Variants in GNB4 observed in about 807,000 individuals in gnomAD.
The protein encoded by GNB4 is guanine nucleotide-binding protein subunit beta-4.
Under a neutral mutation model 45.2 loss-of-function variants are expected in GNB4, and 28 were observed. That is an observed-to-expected ratio of 0.62 (90% CI 0.46 to 0.85). GNB4 has a LOEUF of 0.85. Ranked by LOEUF, GNB4 falls within the 40% of genes least tolerant of loss-of-function variation. The probability of loss-of-function intolerance (pLI) is 0.00; values close to 1 mark genes in which losing one functional copy is unlikely to be tolerated. For missense variants in GNB4, 321 were observed against 425.4 expected, an observed-to-expected ratio of 0.75 and a Z score of 2.16; for synonymous variants, 132 against 143.7, an observed-to-expected ratio of 0.92 and a Z score of 0.58.
chr3:179,423,917 G>T (rs1490680183), intron 2 of GNB4, among the ~76,000 whole-genome samples: 1 of 152,094 alleles, frequency 6.6e-6, no homozygotes, highest in Non-Finnish European at 1.5e-5. Flanking sequence ...TTGATAAAAG[G>T]TAACAGATGA....
chr3:179,474,338 C>T, the GNB4 span, among the ~76,000 whole-genome samples: 1 of 152,060 alleles, frequency 6.6e-6, no homozygotes, highest in Non-Finnish European at 1.5e-5. Flanking sequence ...ATTCTCCTAC[C>T]TCAGCCTCCT....
the GNB4 span, among the ~76,000 whole-genome samples, chr3:179,471,665 T>C: frequency 2.0e-5 from 3 of 152,206 alleles, no homozygotes; most frequent in African/African-American, 7.2e-5. Context: ...AATGTATCCC[T>C]ATCGTTAAGC....
chr3:179,499,302 C>G, the GNB4 span, among the ~76,000 whole-genome samples: 6,345 of 152,032 alleles, frequency 0.042, 207 homozygotes, highest in East Asian at 0.077. Flanking sequence ...GGACTACAGG[C>G]GCCTGCCACC....
the GNB4 span, among the ~76,000 whole-genome samples, chr3:179,517,281 C>T: frequency 6.6e-6 from 1 of 152,136 alleles, no homozygotes; most frequent in African/African-American, 2.4e-5. Context: ...CCTTGTGACC[C>T]CCACCCCTGC....
chr3:179,401,129 A>G lies in GNB4; in HGVS notation c.*84T>C. The G allele has an allele frequency of 2.6e-6, 2 of 777,008 alleles. No homozygotes were observed. The highest frequency in any genetic ancestry group is 3.4e-5 in the South Asian group (1 of 29,330). The allele number at this position is 777,008 out of a possible 1,614,324, so 48.1% of individuals were successfully genotyped here. A position where few individuals can be genotyped will look rare whatever the true frequency, so the allele number is the denominator to read the frequency against. On this transcript the variant is annotated 3_prime_UTR_variant, in exon 10 of 10. Transcript: ENST00000232564. ...AATAGAAAAATCTTCACCTGCAAAT[A>G]TAAGGTAGAATTTTTTCACAGCTAT...
intron 1 of GNB4, among the ~76,000 whole-genome samples, chr3:179,432,622 T>C (rs1175682576): frequency 6.6e-6 from 1 of 152,246 alleles, no homozygotes; most frequent in South Asian, 2.1e-4. Context: ...CCAAACTGTA[T>C]TGACATGTGT....
rs780046027 is a variant in GNB4, at chr3:179,416,501, T to C, written c.259A>G (p.Thr87Ala). 4.2e-5 allele frequency: 66 copies of C among 1,567,442 alleles called. 1 individual carries two copies. In the Admixed American group the frequency reaches 1.1e-3, roughly 26 times the overall value. ...GKLIIWDSYTTNKMHAIPLRS... is the reference protein window; with the variant it reads ...GKLIIWDSYTANKMHAIPLRS... Reference sequence around the variant, plus strand: ...TTATGAAGAAATTCTACCTTATTTGTTGTATAGCTATCCCAAATAATTAAT... The same window carrying C: ...TTATGAAGAAATTCTACCTTATTTGCTGTATAGCTATCCCAAATAATTAAT... Residue 87 changes from threonine to alanine, a missense_variant, in exon 5 of 10, where the codon ACA becomes GCA. Coordinates refer to ENST00000232564, the MANE Select transcript of GNB4 (RefSeq NM_021629.4).
At chr3:179,453,181 G>T (rs890367505), upstream of GNB4, among the ~76,000 whole-genome samples, 2 of 152,162 alleles carry the variant, frequency 1.3e-5, no homozygotes, top group Non-Finnish European at 2.9e-5. Context: ...ACTGTGCAGT[G>T]ATGTGATGTC....
the GNB4 span, among the ~76,000 whole-genome samples, chr3:179,471,074 C>G: frequency 8.6e-4 from 130 of 151,060 alleles, no homozygotes; most frequent in African/African-American, 3.0e-3. Flanking sequence ...AGCTACTCGG[C>G]AGGCTGAGGC....
intron 2 of GNB4, among the ~76,000 whole-genome samples, chr3:179,421,623 A>G (rs1714983325): frequency 6.6e-6 from 1 of 152,206 alleles, no homozygotes. Flanking sequence ...AGAACGCACA[A>G]GATGTTTGCT....
At chr3:179,429,733 C>G (rs550678153) in intron 1 of GNB4, among the ~76,000 whole-genome samples, 1 of 152,266 alleles carries the variant, frequency 6.6e-6, no homozygotes, top group East Asian at 1.9e-4. Context: ...AGTGGCCAAA[C>G]ATTGATTGAG....
At chr3:179,445,667 T>C (rs999123887) in intron 1 of GNB4, among the ~76,000 whole-genome samples, 4 of 152,190 alleles carry the variant, frequency 2.6e-5, no homozygotes, top group Non-Finnish European at 5.9e-5. Context: ...ATTAAAAATA[T>C]AAATAGGAGA....
In GNB4 at chr3:179,426,820, G is replaced by T. The variant is rs1427653715; in HGVS notation, c.-42-578C>A. Among the ~76,000 whole-genome samples, 5 of 152,120 alleles carry T rather than the reference G, an allele frequency of 3.3e-5. No individual in the cohort carries two copies. In the East Asian group the frequency reaches 9.6e-4, roughly 29 times the overall value. ...CTACTGTCTGGGTCCACATCACCAT[G>T]ACCATCTCTCACCTGGTCTCCTTTC... On this transcript the variant is annotated intron_variant, in intron 1 of 9. Transcript: ENST00000232564.
At chr3:179,517,640 C>T in the GNB4 span, among the ~76,000 whole-genome samples, 1 of 152,226 alleles carries the variant, frequency 6.6e-6, no homozygotes, top group Non-Finnish European at 1.5e-5. Flanking sequence ...TAAGCGGCCT[C>T]TCTTTACTCT....
At chr3:179,401,342 A>AC (rs1483155333) in intron 9 of GNB4, 23 bp from the exon 10 acceptor site, 3 of 1,557,866 alleles carry the variant, frequency 1.9e-6, no homozygotes. Context: ...TTCAGTAAAA[A>AC]ATTGGCAATT....
the GNB4 span, among the ~76,000 whole-genome samples, chr3:179,487,851 A>G: frequency 2.0e-5 from 3 of 152,142 alleles, no homozygotes; most frequent in East Asian, 3.9e-4. Flanking sequence ...AGGATTTGAG[A>G]CCAGCCTGCC....
chr3:179,491,458 C>G, the GNB4 span, among the ~76,000 whole-genome samples: 1 of 152,034 alleles, frequency 6.6e-6, no homozygotes, highest in Non-Finnish European at 1.5e-5. Flanking sequence ...GTAGAGAAGG[C>G]TTAGGGTAGA....
chr3:179,473,162 C>CA, the GNB4 span, among the ~76,000 whole-genome samples: 2 of 151,492 alleles, frequency 1.3e-5, no homozygotes, highest in African/African-American at 4.9e-5. Context: ...GACTCTGTCT[C>CA]AAAAAAAACT....
chr3:179,476,845 C>T, the GNB4 span, among the ~76,000 whole-genome samples: 1 of 152,226 alleles, frequency 6.6e-6, no homozygotes, highest in Non-Finnish European at 1.5e-5. Context: ...TTTACAAGGT[C>T]AGCCTGAAGT....
Sources: allele counts gnomAD v4.1 joint callset (sites outside exome capture counted in the v4.1 genomes callset), GRCh38; gene constraint gnomAD v4.1.1; transcripts MANE v1.5; gene names NCBI Gene and HGNC (gene_info 2026-07-23, HGNC 2026-07-21).